Variants in VPS13B observed in about 807,000 individuals in gnomAD.
VPS13B encodes vacuolar protein sorting 13 homolog B.
A neutral mutation model predicts 426.4 loss-of-function variants in VPS13B; 285 were observed. That is an observed-to-expected ratio of 0.67 (90% confidence interval 0.61 to 0.74). The LOEUF (loss-of-function observed/expected upper bound fraction) is 0.74, where lower values mean the gene tolerates loss of function less well. Ranked by LOEUF, VPS13B falls within the 30% of genes least tolerant of loss-of-function variation. The pLI, the probability that VPS13B is intolerant of heterozygous loss-of-function variation, is 0.00. For synonymous variants in VPS13B, 1,676 were observed against 1,676.4 expected, an observed-to-expected ratio of 1.00 and a Z score of 0.01; for missense variants, 4,537 against 4,782.6, an observed-to-expected ratio of 0.95 and a Z score of 1.51.
At chr8:99,418,301 G>A (rs1816149148) in intron 21 of VPS13B, among the ~76,000 whole-genome samples, 1 of 151,386 alleles carries the variant, frequency 6.6e-6, no homozygotes, top group Non-Finnish European at 1.5e-5. Flanking sequence ...TTATTTTTTG[G>A]TGAGCTACAT....
chr8:99,134,874 G>A (rs1809991919), intron 9 of VPS13B, 141 bp from the exon 10 acceptor site: 2 of 1,206,132 alleles, frequency 1.7e-6, no homozygotes, highest in South Asian at 2.8e-5. Context: ...CTCATGGATA[G>A]TATAAATAAA....
intron 42 of VPS13B, 130 bp from the exon 43 acceptor site, chr8:99,784,185 G>A: frequency 1.8e-6 from 2 of 1,132,864 alleles, no homozygotes; most frequent in Non-Finnish European, 2.7e-6. Flanking sequence ...AGAATACTTT[G>A]TATACCAGAG....
Position 99,721,015 on chromosome 8 carries a change from A to G in VPS13B, c.7018A>G (p.Ile2340Val). ...VPFNTTEDPD[I>V]STADLGDVLQ... ...TTTTAACACCACAGAGGATCCAGAT[A>G]TTAGCACAGCAGACCTTGGTGATGT... is the stretch of plus-strand genomic sequence containing the variant. The change falls in exon 39 of 62, where the codon ATT (isoleucine) becomes GTT (valine). Residue 2340 changes from isoleucine to valine, a missense_variant. By Grantham distance (29) the Ile-to-Val change is conservative. Around this residue, in one of 2 missense-constraint regions of VPS13B, gnomAD observed 4,311 missense variants for 4,474.3 expected, o/e 0.96. Transcript: ENST00000357162. The G allele has an allele frequency of 6.2e-7, 1 of 1,614,046 alleles. No individual in the cohort carries two copies. Among genetic ancestry groups the G allele is most frequent in the Middle Eastern group, 1.7e-4 (1 of 6,058 alleles).
At chr8:99,173,178 A>G (rs575097657) in intron 16 of VPS13B, among the ~76,000 whole-genome samples, 2 of 152,206 alleles carry the variant, frequency 1.3e-5, no homozygotes, top group East Asian at 1.9e-4. Flanking sequence ...TTTGCAGGGG[A>G]AAAATGCTTC....
intron 28 of VPS13B, chr8:99,508,058 A>G: frequency 7.5e-7 from 1 of 1,332,244 alleles, no homozygotes; most frequent in Non-Finnish European, 1.0e-6. Flanking sequence ...ATTTAAAATC[A>G]TAAAACTGCT....
intron 28 of VPS13B, among the ~76,000 whole-genome samples, chr8:99,510,854 A>G (rs1457828859): frequency 6.6e-6 from 1 of 152,162 alleles, no homozygotes; most frequent in Admixed American, 6.5e-5. Flanking sequence ...AGAAATAGCC[A>G]CAAAAAGATT....
At chr8:99,810,933 C>G (rs1376590422) in intron 44 of VPS13B, among the ~76,000 whole-genome samples, 1 of 152,166 alleles carries the variant, frequency 6.6e-6, no homozygotes, top group Admixed American at 6.5e-5. Context: ...AGGGACCGGC[C>G]TACTAGTGTG....
At chr8:99,695,267 T>A (rs1218218412) in intron 35 of VPS13B, among the ~76,000 whole-genome samples, 7 of 148,398 alleles carry the variant, frequency 4.7e-5, no homozygotes, top group Non-Finnish European at 4.5e-5. Flanking sequence ...ATTGCGGCAT[T>A]ATTCACAATA....
intron 25 of VPS13B, among the ~76,000 whole-genome samples, chr8:99,487,344 TTTC>T (rs1304149940): frequency 6.6e-6 from 1 of 152,206 alleles, no homozygotes; most frequent in Non-Finnish European, 1.5e-5. Context: ...AGTATTAAAA[TTTC>T]TTACTAAGAA....
chr8:99,183,221 G>A (rs557686142), intron 16 of VPS13B, among the ~76,000 whole-genome samples: 2 of 152,198 alleles, frequency 1.3e-5, no homozygotes, highest in African/African-American at 2.4e-5. Context: ...TTTAACATCA[G>A]TACTTTTGTT....
chr8:99,853,483 T>A lies in VPS13B; in HGVS notation c.10094T>A (p.Phe3365Tyr), dbSNP rs751767249. The A allele has an allele frequency of 6.2e-7, 1 of 1,614,208 alleles. No individual in the cohort carries two copies. The highest frequency in any genetic ancestry group is 1.1e-5 in the South Asian group (1 of 91,078). ...APEKIVTFKM[F>Y]ITQLSLAVFD... ...GAGAAGATTGTTACATTTAAAATGTTCATCACTCAGTTAAGCCTGGCAGTG... is the reference window on the plus strand; with the variant it reads ...GAGAAGATTGTTACATTTAAAATGTACATCACTCAGTTAAGCCTGGCAGTG... Residue 3365 changes from phenylalanine (F) to tyrosine (Y), a missense_variant, in exon 56 of 62, where the codon TTC (phenylalanine) becomes TAC (tyrosine). By Grantham distance (22) the Phe-to-Tyr change is conservative (BLOSUM62 3). Coordinates refer to ENST00000357162, the MANE Select transcript of VPS13B (RefSeq NM_152564.5).
chr8:99,699,647 A>G lies in VPS13B; in HGVS notation c.6169A>G (p.Thr2057Ala). The G allele has an allele frequency of 1.2e-6, 2 of 1,614,150 alleles. No individual in the cohort carries two copies. Among genetic ancestry groups the G allele is most frequent in the South Asian group, 1.1e-5 (1 of 91,078 alleles). ...NAHSLAHSEE[T>A]SAMSNTMVNK... ...ACACAGTTTGGCACATAGTGAAGAG[A>G]CTTCAGCCATGTCCAACACCATGGT... Residue 2057 changes from threonine (T) to alanine (A), a missense_variant, in exon 36 of 62, where the codon ACT becomes GCT. Around this residue, in one of 2 missense-constraint regions of VPS13B, gnomAD observed 4,311 missense variants for 4,474.3 expected, o/e 0.96. Transcript: ENST00000357162.
chr8:99,188,463 T>A (rs1200231989), intron 16 of VPS13B, among the ~76,000 whole-genome samples: 1 of 152,226 alleles, frequency 6.6e-6, no homozygotes, highest in East Asian at 1.9e-4. Flanking sequence ...GAATACATTT[T>A]GTTTATTCAT....
chr8:99,589,121 A>G (rs1826461529), intron 33 of VPS13B, among the ~76,000 whole-genome samples: 1 of 151,666 alleles, frequency 6.6e-6, no homozygotes, highest in African/African-American at 2.4e-5. Context: ...CATATGTTGA[A>G]CCAGCCTTGC....
At chr8:99,682,785 A>G (rs1831208462) in intron 35 of VPS13B, among the ~76,000 whole-genome samples, 1 of 152,278 alleles carries the variant, frequency 6.6e-6, no homozygotes, top group East Asian at 1.9e-4. Flanking sequence ...CTAGGGCTCT[A>G]TAACCTGCCA....
intron 21 of VPS13B, among the ~76,000 whole-genome samples, chr8:99,408,791 T>G (rs1815465876): frequency 6.6e-6 from 1 of 152,142 alleles, no homozygotes. Flanking sequence ...CCCTTGGACA[T>G]GCCAGCATTT....
chr8:99,848,899 G>A lies in VPS13B; in HGVS notation c.10061+5G>A, dbSNP rs755926419. On this transcript the variant is annotated splice_donor_5th_base_variant and intron_variant, in intron 55 of 61. Coordinates refer to ENST00000357162, the MANE Select transcript of VPS13B (RefSeq NM_152564.5). ...TATTTTAACCAATACCAACAGGTAG[G>A]TTTAATTATTTTCCCAGTGACAACA... 6.2e-7 allele frequency: 1 copy of A among 1,612,300 alleles called. No homozygotes were observed. Among genetic ancestry groups the A allele is most frequent in the Admixed American group, 1.7e-5 (1 of 60,008 alleles).
At chr8:99,808,827 T>G (rs1813549456) in intron 43 of VPS13B, among the ~76,000 whole-genome samples, 1 of 152,068 alleles carries the variant, frequency 6.6e-6, no homozygotes, top group African/African-American at 2.4e-5. Context: ...ACATCATATC[T>G]TACATTTAAA....
chr8:99,074,502 C>T (rs535359865), intron 3 of VPS13B, among the ~76,000 whole-genome samples: 6 of 146,246 alleles, frequency 4.1e-5, no homozygotes, highest in Non-Finnish European at 9.0e-5. Context: ...AGTGAGACTC[C>T]GTCTCAAAAA....
Sources: gnomAD v4.1 joint callset for allele counts (sites outside exome capture counted in the v4.1 genomes callset) on GRCh38, gnomAD v4.1.1 for gene constraint, gnomAD v4.1.1 regional missense constraint, MANE v1.5 for transcripts, NCBI Gene and HGNC (gene_info 2026-07-23, HGNC 2026-07-21) for gene names.